Variants in CLCN5 observed in about 807,000 individuals in gnomAD.
CLCN5 encodes Cl-/H+ antiporter 5.
A neutral mutation model predicts 54.0 loss-of-function variants in CLCN5; 17 were observed. That is an observed-to-expected ratio of 0.31 (90% confidence interval 0.22 to 0.47). CLCN5 has a LOEUF of 0.47. CLCN5 is among the 20% of genes least tolerant of loss of function. CLCN5 has a pLI of 1.00. For missense variants in CLCN5, 448 were observed against 646.7 expected, an observed-to-expected ratio of 0.69 and a Z score of 3.33; for synonymous variants, 222 against 233.0, an observed-to-expected ratio of 0.95 and a Z score of 0.43.
intron 3 of CLCN5, among the ~76,000 whole-genome samples, chrX:49,978,119 C>G (rs1392217727): frequency 9.0e-6 from 1 of 111,410 alleles, no homozygotes; most frequent in Non-Finnish European, 1.9e-5. Context: ...GGTTTAAGCT[C>G]CAGCTCTACC....
intron 4 of CLCN5, among the ~76,000 whole-genome samples, chrX:50,058,701 G>A (rs1205202914): frequency 9.0e-6 from 1 of 111,692 alleles, no homozygotes; most frequent in African/African-American, 3.2e-5. Flanking sequence ...TTAGCCTTTT[G>A]GGGGCTTTTT....
intron 3 of CLCN5, among the ~76,000 whole-genome samples, chrX:50,029,828 G>A (rs782073758): frequency 8.9e-6 from 1 of 111,985 alleles, no homozygotes; most frequent in South Asian, 3.8e-4. Context: ...TTGGTGTGGC[G>A]ATTCCTCAGG....
intron 4 of CLCN5, among the ~76,000 whole-genome samples, chrX:50,067,213 G>T (rs1220456745): frequency 8.9e-6 from 1 of 111,894 alleles, no homozygotes; most frequent in Middle Eastern, 4.2e-3. Context: ...GCATTTTTGT[G>T]TCTGGTATCT....
chrX:50,037,249 C>T (rs1932039801), intron 3 of CLCN5, among the ~76,000 whole-genome samples: 1 of 112,177 alleles, frequency 8.9e-6, no homozygotes, highest in South Asian at 3.7e-4. Flanking sequence ...CTTAATAAAT[C>T]AGGTTAAATC....
At chrX:50,003,265 T>G (rs1289187820) in intron 3 of CLCN5, 5 of 375,440 alleles carry the variant, frequency 1.3e-5, no homozygotes, top group Admixed American at 1.3e-4. Context: ...TGCATAGGCA[T>G]GAGCACATGG....
At chrX:50,089,033 G>A in intron 12 of CLCN5, 149 bp downstream of exon 12, 1 of 501,379 alleles carries the variant, frequency 2.0e-6, no homozygotes. Flanking sequence ...GAAAGCATCT[G>A]GTATACAGAT....
In CLCN5 at chrX:50,052,226, T is replaced by A. The variant is rs1490120584; in HGVS notation, c.163+9764T>A. 3.1e-4 allele frequency among the ~76,000 whole-genome samples: 35 copies of A among 111,860 alleles called. 1 individual carries two copies. The highest frequency in any genetic ancestry group is 1.3e-4 in the Non-Finnish European group (7 of 53,101). On this transcript the variant is annotated intron_variant, in intron 4 of 14. Transcript: ENST00000376091. ...TACTTTATTCCTACTTTGCTGAGAGTTAATCATGAATGGATATTAAATTAT... is the reference window on the plus strand; with the variant it reads ...TACTTTATTCCTACTTTGCTGAGAGATAATCATGAATGGATATTAAATTAT...
At chrX:50,032,792 G>A (rs1348953500) in intron 3 of CLCN5, among the ~76,000 whole-genome samples, 3 of 109,206 alleles carry the variant, frequency 2.7e-5, no homozygotes, top group African/African-American at 6.9e-5. Context: ...TGAAGTCCTT[G>A]CCCATGCCTA....
intron 3 of CLCN5, among the ~76,000 whole-genome samples, chrX:49,978,827 A>C (rs1242498957): frequency 8.9e-6 from 1 of 111,783 alleles, no homozygotes; most frequent in Non-Finnish European, 1.9e-5. Context: ...CTCTCCCAAG[A>C]GGGTGGACTT....
intron 3 of CLCN5, among the ~76,000 whole-genome samples, chrX:49,965,536 A>G (rs985823300): frequency 8.9e-6 from 1 of 112,178 alleles, no homozygotes; most frequent in Non-Finnish European, 1.9e-5. Context: ...TGCAGGTTTA[A>G]TACATAGATG....
intron 3 of CLCN5, among the ~76,000 whole-genome samples, chrX:50,036,929 T>C (rs1164522980): frequency 2.7e-5 from 3 of 112,346 alleles, no homozygotes; most frequent in African/African-American, 9.7e-5. Context: ...TGTTTTTAGC[T>C]AAGATTTGTA....
intron 7 of CLCN5, among the ~76,000 whole-genome samples, chrX:50,080,006 G>A (rs1423740398): frequency 1.8e-5 from 2 of 111,164 alleles, no homozygotes; most frequent in Admixed American, 9.6e-5. Flanking sequence ...TAACAATTTC[G>A]CTATATGTAT....
rs149807845 is a variant in CLCN5 at position 49,998,350 on chromosome X, A to G, written c.17-43966A>G. On this transcript the variant is annotated intron_variant, in intron 3 of 14. Transcript: ENST00000376091. The stretch of plus-strand genomic sequence containing the variant: ...CCTGCTCATACATGCACAGGAATAT[A>G]TACTTAATGGGGTACGGTCACTGGA... Among the ~76,000 whole-genome samples the G allele has an allele frequency of 4.0e-3, 442 of 111,766 alleles. 5 individuals carry two copies. Among genetic ancestry groups the G allele is most frequent in the African/African-American group, 0.013 (406 of 30,717 alleles).
chrX:50,037,727 A>C (rs1557186686), intron 3 of CLCN5, among the ~76,000 whole-genome samples: 1 of 112,344 alleles, frequency 8.9e-6, no homozygotes, highest in African/African-American at 3.2e-5. Flanking sequence ...ATATATAGGA[A>C]GAGAAAAGAC....
At chrX:50,055,292 T>A (rs1418654424) in intron 4 of CLCN5, among the ~76,000 whole-genome samples, 1 of 111,926 alleles carries the variant, frequency 8.9e-6, no homozygotes, top group African/African-American at 3.2e-5. Context: ...GACCTTAACA[T>A]TATATTTACT....
rs782000873 is a variant in CLCN5, at chrX:50,096,967, A to G, written c.*4748A>G. 22 of 112,147 alleles carry G rather than the reference A, an allele frequency of 2.0e-4. No homozygotes were observed. The highest frequency in any genetic ancestry group is 7.1e-4 in the African/African-American group (22 of 30,890). 9.2% of individuals were successfully genotyped at this position (112,147 alleles called of 1,213,427 possible). A position where few individuals can be genotyped will look rare whatever the true frequency, so the allele number is the denominator to read the frequency against. ...GGCATCTGTTGCCATTTCCTAAACT[A>G]TAAGGTTTAGATAGATTGTCTTGAA... On this transcript the variant is annotated 3_prime_UTR_variant, in exon 15 of 15. Transcript: ENST00000376091.
At chrX:50,059,975 A>AT (rs1298891299) in intron 4 of CLCN5, among the ~76,000 whole-genome samples, 1 of 104,218 alleles carries the variant, frequency 9.6e-6, no homozygotes, top group Non-Finnish European at 2.0e-5. Context: ...AATGTAAATC[A>AT]TACTAGATAA....
Position 50,041,644 on chromosome X carries a change from ATT to A in CLCN5, c.17-671_17-670del, listed in dbSNP as rs782770920. ...TGATGTCTAGTTTTTATTTCAGTTG[ATT>A]ACTTGTGAACTACTGTTATGTTTGT... is the stretch of plus-strand genomic sequence containing the variant. On this transcript the variant is annotated intron_variant, in intron 3 of 14. Transcript: ENST00000376091. 7.2e-5 allele frequency among the ~76,000 whole-genome samples: 8 copies of A among 111,541 alleles called. No homozygotes were observed. In the South Asian group the frequency reaches 2.6e-3, roughly 37 times the overall value.
intron 3 of CLCN5, among the ~76,000 whole-genome samples, chrX:49,986,887 A>G (rs1414956213): frequency 8.9e-6 from 1 of 112,225 alleles, no homozygotes; most frequent in Non-Finnish European, 1.9e-5. Flanking sequence ...TTTAAGGAAC[A>G]CATAGAAACC....
Sources: gnomAD v4.1 joint callset for allele counts (sites outside exome capture counted in the v4.1 genomes callset) on GRCh38, gnomAD v4.1.1 for gene constraint, MANE v1.5 for transcripts, NCBI Gene and HGNC (gene_info 2026-07-23, HGNC 2026-07-21) for gene names.